RBFOX1: variants seen among roughly 807,000 people sequenced by gnomAD.
RBFOX1 encodes RNA binding fox-1 homolog 1, also known as RNA binding protein fox-1 homolog 1.
A neutral mutation model predicts 57.7 loss-of-function variants in RBFOX1; 8 were observed. The ratio of observed to expected loss-of-function variants is 0.14; its 90% CI spans 0.08 to 0.25. RBFOX1 has a LOEUF of 0.25. RBFOX1 is among the 10% of genes least tolerant of loss of function. The pLI, the probability that RBFOX1 is intolerant of heterozygous loss-of-function variation, is 1.00. For missense variants in RBFOX1, 611 were observed against 548.5 expected (o/e 1.11, Z -1.14); for synonymous variants, 326 against 222.4 (o/e 1.47, Z -4.15).
intron 3 of RBFOX1, among the ~76,000 whole-genome samples, chr16:6,891,429 A>G (rs1259812276): frequency 1.3e-5 from 2 of 152,126 alleles, no homozygotes; most frequent in African/African-American, 4.8e-5. Flanking sequence ...TCTACCTAAT[A>G]GTACCTTGTT....
intron 4 of RBFOX1, among the ~76,000 whole-genome samples, chr16:7,449,310 G>T (rs2098832998): frequency 6.6e-6 from 1 of 152,210 alleles, no homozygotes; most frequent in East Asian, 1.9e-4. Context: ...GTCCTAGGTG[G>T]ACATCTTTTT....
At chr16:5,884,286 C>A (rs992434466) in intron 4 of RBFOX1, among the ~76,000 whole-genome samples, 1 of 152,080 alleles carries the variant, frequency 6.6e-6, no homozygotes, top group African/African-American at 2.4e-5. Context: ...CAGTTGAGAG[C>A]TTTTATTGTA....
intron 13 of RBFOX1, among the ~76,000 whole-genome samples, chr16:7,671,985 T>C (rs1301295119): frequency 6.6e-6 from 1 of 152,222 alleles, no homozygotes; most frequent in East Asian, 1.9e-4. Flanking sequence ...AATTCAAGGT[T>C]CTAATTGAAC....
intron 3 of RBFOX1, among the ~76,000 whole-genome samples, chr16:6,771,513 T>C (rs914127974): frequency 3.9e-5 from 6 of 152,176 alleles, no homozygotes; most frequent in African/African-American, 1.4e-4. Flanking sequence ...TAGCAAACCC[T>C]AGCAAGCTGA....
chr16:7,582,795 G>C (rs1464731967), intron 6 of RBFOX1, among the ~76,000 whole-genome samples: 2 of 152,274 alleles, frequency 1.3e-5, no homozygotes, highest in South Asian at 4.1e-4. Flanking sequence ...GAGAAAAACA[G>C]TCACAAAGAT....
rs1023701874 is a variant in RBFOX1, at chr16:7,131,885, G to T, written c.27+79787G>T. Among the ~76,000 whole-genome samples, 13 of 152,104 alleles carry T rather than the reference G, an allele frequency of 8.5e-5. No individual in the cohort carries two copies. In the East Asian group the frequency reaches 1.4e-3, roughly 16 times the overall value. Reference sequence around the variant, plus strand: ...CCAGAGGGGCACATCTTAGCTTCTAGGGGGTGAGAGGCTTCCCAGTATCTT... The same window carrying T: ...CCAGAGGGGCACATCTTAGCTTCTATGGGGTGAGAGGCTTCCCAGTATCTT... On this transcript the variant is annotated intron_variant, in intron 4 of 15. Transcript: ENST00000550418.
chr16:6,672,902 C>G (rs1479437874), intron 3 of RBFOX1, among the ~76,000 whole-genome samples: 1 of 152,142 alleles, frequency 6.6e-6, no homozygotes, highest in Non-Finnish European at 1.5e-5. Context: ...ATTGACTAAA[C>G]TGAATCCCCC....
chr16:6,553,956 A>ACT (rs2097045199), intron 2 of RBFOX1, among the ~76,000 whole-genome samples: 1 of 151,768 alleles, frequency 6.6e-6, no homozygotes, highest in Non-Finnish European at 1.5e-5. Context: ...CCCAGAGGGC[A>ACT]GGTACCAGGG....
intron 3 of RBFOX1, among the ~76,000 whole-genome samples, chr16:6,670,832 C>G (rs558906679): frequency 1.3e-5 from 2 of 151,178 alleles, no homozygotes; most frequent in African/African-American, 2.4e-5. Flanking sequence ...CCTGTCTCTA[C>G]TAAAAATGCA....
At chr16:5,745,395 A>G (rs530512061) in intron 3 of RBFOX1, among the ~76,000 whole-genome samples, 75 of 152,202 alleles carry the variant, frequency 4.9e-4, no homozygotes, top group Non-Finnish European at 7.3e-4. Context: ...TAGTGCCGCA[A>G]TAAACATATG....
At chr16:6,553,293 C>T (rs1015021022) in intron 2 of RBFOX1, among the ~76,000 whole-genome samples, 1 of 152,170 alleles carries the variant, frequency 6.6e-6, no homozygotes, top group South Asian at 2.1e-4. Context: ...GAGCAGACAG[C>T]AGCTTTTGGG....
chr16:7,581,754 C>T (rs1359958545), intron 6 of RBFOX1, among the ~76,000 whole-genome samples: 1 of 152,146 alleles, frequency 6.6e-6, no homozygotes, highest in Admixed American at 6.5e-5. Context: ...TCTCACTCTG[C>T]TACCCAGGCT....
intron 1 of RBFOX1, among the ~76,000 whole-genome samples, chr16:5,335,631 A>G (rs140878693): frequency 6.6e-5 from 10 of 152,256 alleles, no homozygotes; most frequent in Admixed American, 3.9e-4. Context: ...AGGAGATAAA[A>G]CAGAAAGGTA....
At chr16:5,801,311 CTCTA>C (rs57620584) in intron 3 of RBFOX1, among the ~76,000 whole-genome samples, 54,787 of 148,646 alleles carry the variant, frequency 0.37, 10,841 homozygotes, top group South Asian at 0.52. Flanking sequence ...ATTTTAAAGT[CTCTA>C]TCTGCCTCTC....
chr16:6,931,295 G>GTCTGTCTGTCTA (rs1286990133), intron 3 of RBFOX1, among the ~76,000 whole-genome samples: 4 of 136,158 alleles, frequency 2.9e-5, no homozygotes, highest in Admixed American at 2.3e-4. Context: ...CTGTCTGTCT[G>GTCTGTCTGTCTA]TCTATCTATC....
chr16:6,909,753 G>C (rs1437744271), intron 3 of RBFOX1, among the ~76,000 whole-genome samples: 1 of 152,044 alleles, frequency 6.6e-6, no homozygotes, highest in Non-Finnish European at 1.5e-5. Flanking sequence ...ACTTTTTTTG[G>C]TGTTATTTTC....
chr16:7,706,011 T>A (rs2082316428), intron 14 of RBFOX1, among the ~76,000 whole-genome samples: 1 of 152,158 alleles, frequency 6.6e-6, no homozygotes, highest in Admixed American at 6.5e-5. Flanking sequence ...CCTCTTCCCA[T>A]CATTCCTGTG....
rs145813383 is a variant in RBFOX1, at chr16:6,764,652, A to T, written c.-16+110002A>T. On this transcript the variant is annotated intron_variant, in intron 3 of 15. Coordinates refer to ENST00000550418, the MANE Select transcript of RBFOX1 (RefSeq NM_018723.4). The stretch of plus-strand genomic sequence containing the variant: ...GATGATAATTATTAAGAGTAAATGC[A>T]TGGGCTGGGTGCAGTGGCTCACGCC... 5.9e-5 allele frequency among the ~76,000 whole-genome samples: 9 copies of T among 152,260 alleles called. No individual in the cohort carries two copies. In the East Asian group the frequency reaches 1.2e-3, roughly 20 times the overall value.
rs777720104 is a variant in RBFOX1, at chr16:6,910,005, G to T, written c.-15-142052G>T. On this transcript the variant is annotated intron_variant, in intron 3 of 15. Transcript: ENST00000550418. ...AGATCTCTCTTGAAAGGTGTTGTTTGTTTGGTTTGTTTACCTCTTGTTCAT... is the reference window on the plus strand; with the variant it reads ...AGATCTCTCTTGAAAGGTGTTGTTTTTTTGGTTTGTTTACCTCTTGTTCAT... 2.6e-5 allele frequency among the ~76,000 whole-genome samples: 4 copies of T among 151,994 alleles called. No homozygotes were observed. In the East Asian group the frequency reaches 7.7e-4, roughly 29 times the overall value.
Sources: allele counts gnomAD v4.1 joint callset (sites outside exome capture counted in the v4.1 genomes callset), GRCh38; gene constraint gnomAD v4.1.1; transcripts MANE v1.5; gene names NCBI Gene and HGNC (gene_info 2026-07-23, HGNC 2026-07-21).